RTN4IP1: variants seen among roughly 807,000 people sequenced by gnomAD.
The protein encoded by RTN4IP1 is NAD(P)H oxidoreductase RTN4IP1, mitochondrial.
In RTN4IP1, 32 loss-of-function variants were observed where a neutral mutation model predicts 46.6. The observed-to-expected ratio is 0.69, with a 90% CI of 0.52 to 0.92. The LOEUF is 0.92. RTN4IP1 is among the 40% of genes least tolerant of loss of function. RTN4IP1 has a pLI of 0.00. For synonymous variants in RTN4IP1, 167 were observed against 161.8 expected, an observed-to-expected ratio of 1.03 and a Z score of -0.24; for missense variants, 424 against 485.8, an observed-to-expected ratio of 0.87 and a Z score of 1.20.
intron 1 of RTN4IP1, 79 bp downstream of exon 1, chr6:106,628,669 C>T (rs1776721208): frequency 3.2e-6 from 4 of 1,269,210 alleles, no homozygotes; most frequent in Non-Finnish European, 4.4e-6. Flanking sequence ...ACCAAAGAAG[C>T]GTAGTCAATT....
intron 4 of RTN4IP1, among the ~76,000 whole-genome samples, chr6:106,614,448 T>G (rs1035544573): frequency 1.3e-5 from 2 of 152,078 alleles, no homozygotes; most frequent in African/African-American, 2.4e-5. Context: ...AGGACAGAGT[T>G]AGAAATACAG....
rs1776744567 is a variant in RTN4IP1, at chr6:106,629,253, A to ATACT, written c.-233_-232insAGTA. ...TGCTCGAATTAACGTTCCAGTCAGT[A>ATACT]TTCTGTCCATTCTCCTCCCTCACTT... is the stretch of plus-strand genomic sequence containing the variant. On this transcript the variant is annotated 5_prime_UTR_variant, in exon 1 of 9. It removes the in-frame stop codon of an upstream open reading frame in the 5' UTR. Coordinates refer to ENST00000369063, the MANE Select transcript of RTN4IP1 (RefSeq NM_032730.5). The ATACT allele has an allele frequency of 3.5e-6, 2 of 570,244 alleles. No homozygotes were observed. Among genetic ancestry groups the ATACT allele is most frequent in the Admixed American group, 3.2e-5 (1 of 31,614 alleles). The allele number at this position is 570,244 out of a possible 1,614,324, so 35.3% of individuals were successfully genotyped here.
At chr6:106,582,543 A>G (rs1351286790) in intron 8 of RTN4IP1, among the ~76,000 whole-genome samples, 5 of 152,112 alleles carry the variant, frequency 3.3e-5, no homozygotes, top group Non-Finnish European at 7.4e-5. Context: ...AATGAGAATC[A>G]CCCTATCTAT....
intron 6 of RTN4IP1, among the ~76,000 whole-genome samples, chr6:106,590,150 C>T (rs1446682190): frequency 2.7e-5 from 4 of 150,564 alleles, no homozygotes; most frequent in African/African-American, 9.8e-5. Flanking sequence ...AAACTATCTC[C>T]ACAAAAAAAA....
chr6:106,608,871 T>C (rs1477033402), intron 4 of RTN4IP1, among the ~76,000 whole-genome samples: 2 of 152,228 alleles, frequency 1.3e-5, no homozygotes, highest in African/African-American at 4.8e-5. Context: ...TCCATTCTTA[T>C]AGAAGTGTTG....
In RTN4IP1 at chr6:106,570,956, CACTT is replaced by C. The variant is rs1437565877; in HGVS notation, c.*1036_*1039del. The C allele has an allele frequency of 6.6e-6, 1 of 152,118 alleles. No homozygotes were observed. Among genetic ancestry groups the C allele is most frequent in the African/African-American group, 2.4e-5 (1 of 41,404 alleles). 9.4% of individuals were successfully genotyped at this position (152,118 alleles called of 1,614,324 possible). ...GGATGAGTATATTAGGAAGTAAAAA[CACTT>C]ACCGTAAATGAATATTCGAAGTGCA... is the stretch of plus-strand genomic sequence containing the variant. On this transcript the variant is annotated 3_prime_UTR_variant, in exon 9 of 9. Coordinates refer to ENST00000369063, the MANE Select transcript of RTN4IP1 (RefSeq NM_032730.5).
At chr6:106,605,358 G>A (rs984667054) in intron 4 of RTN4IP1, among the ~76,000 whole-genome samples, 3 of 151,714 alleles carry the variant, frequency 2.0e-5, no homozygotes, top group African/African-American at 4.8e-5. Context: ...CCCAAGAGGT[G>A]GAGGTTGCAG....
At chr6:106,620,682 C>G (rs1430302228) in intron 3 of RTN4IP1, among the ~76,000 whole-genome samples, 1 of 151,916 alleles carries the variant, frequency 6.6e-6, no homozygotes, top group African/African-American at 2.4e-5. Flanking sequence ...AATATGCATA[C>G]CCTACTCCAA....
chr6:106,580,997 C>G (rs1241423811), intron 8 of RTN4IP1, among the ~76,000 whole-genome samples: 2 of 142,026 alleles, frequency 1.4e-5, no homozygotes, highest in African/African-American at 2.6e-5. Flanking sequence ...AAAAAAAAAG[C>G]AGGTTGCAGC....
At chr6:106,626,532 G>A (rs1479999921) in intron 1 of RTN4IP1, among the ~76,000 whole-genome samples, 2 of 152,208 alleles carry the variant, frequency 1.3e-5, no homozygotes, top group African/African-American at 4.8e-5. Context: ...AAGAGCTGCA[G>A]AAAGGTTTCA....
intron 4 of RTN4IP1, among the ~76,000 whole-genome samples, chr6:106,608,809 A>G (rs1040271167): frequency 2.0e-5 from 3 of 152,210 alleles, no homozygotes; most frequent in African/African-American, 7.2e-5. Flanking sequence ...GTGCTTCAAA[A>G]ATACATTCAA....
chr6:106,609,494 A>C (rs1260571294), intron 4 of RTN4IP1, among the ~76,000 whole-genome samples: 1 of 152,148 alleles, frequency 6.6e-6, no homozygotes, highest in African/African-American at 2.4e-5. Context: ...GTGCCACTGT[A>C]CTCTAGCCTG....
intron 4 of RTN4IP1, among the ~76,000 whole-genome samples, chr6:106,607,199 T>C (rs950646602): frequency 6.6e-6 from 1 of 152,028 alleles, no homozygotes; most frequent in Non-Finnish European, 1.5e-5. Flanking sequence ...GATATCCATA[T>C]GCAGAAAAAT....
Position 106,571,926 on chromosome 6 carries a change from T to C in RTN4IP1, c.*70A>G. ...TGGAAAAATGTTTGAAAGGGATGGC[T>C]AGAAAAAAATTTGGGCTCACAGGCA... On this transcript the variant is annotated 3_prime_UTR_variant, in exon 9 of 9. Transcript: ENST00000369063. 1.0e-6 allele frequency: 1 copy of C among 1,004,564 alleles called. No individual in the cohort carries two copies. The highest frequency in any genetic ancestry group is 2.1e-4 in the Middle Eastern group (1 of 4,740). The allele number at this position is 1,004,564 out of a possible 1,614,324, so 62.2% of individuals were successfully genotyped here.
chr6:106,589,156 AGGAGGAGGAGGCGGTG>A (rs1775559590), intron 6 of RTN4IP1, among the ~76,000 whole-genome samples: 1 of 66,628 alleles, frequency 1.5e-5, no homozygotes, highest in Non-Finnish European at 3.1e-5. Flanking sequence ...AGGAAGAGGA[AGGAGGAGGAGGCGGTG>A]GAGGAGGAGG....
In RTN4IP1 at chr6:106,625,540, T is replaced by C. The variant is rs377485298; in HGVS notation, c.275-2571A>G. On this transcript the variant is annotated intron_variant, in intron 1 of 8. Coordinates refer to ENST00000369063, the MANE Select transcript of RTN4IP1 (RefSeq NM_032730.5). ...AATGGGAAATAAGGGACTGGAGACA[T>C]GAGAAGACTGAACTCTCTTTAAAAC... is the stretch of plus-strand genomic sequence containing the variant. Among the ~76,000 whole-genome samples the C allele has an allele frequency of 6.4e-4, 97 of 152,004 alleles. 2 individuals carry two copies. The highest frequency in any genetic ancestry group is 2.2e-3 in the African/African-American group (91 of 41,448).
At chr6:106,610,837 T>C (rs1776205062) in intron 4 of RTN4IP1, among the ~76,000 whole-genome samples, 1 of 152,164 alleles carries the variant, frequency 6.6e-6, no homozygotes, top group African/African-American at 2.4e-5. Context: ...TACTTAGGCA[T>C]TCTTAAACCC....
At chr6:106,573,778 A>T (rs972298286) in intron 8 of RTN4IP1, among the ~76,000 whole-genome samples, 3 of 152,180 alleles carry the variant, frequency 2.0e-5, no homozygotes, top group Non-Finnish European at 2.9e-5. Context: ...GCTGCTGTCT[A>T]CACCTACCCC....
intron 8 of RTN4IP1, among the ~76,000 whole-genome samples, chr6:106,580,722 G>GA (rs559035213): frequency 0.049 from 4,363 of 89,548 alleles, 146 homozygotes; most frequent in African/African-American, 0.14. Context: ...CTGTCTCAAA[G>GA]AAAAAAAAAA....
Sources: allele counts gnomAD v4.1 joint callset (sites outside exome capture counted in the v4.1 genomes callset), GRCh38; gene constraint gnomAD v4.1.1; transcripts MANE v1.5; gene names NCBI Gene and HGNC (gene_info 2026-07-23, HGNC 2026-07-21).